Variants in VGLL4 observed in about 807,000 individuals in gnomAD.
The protein encoded by VGLL4 is vestigial like family member 4, also known as transcription cofactor vestigial-like protein 4.
Under a neutral mutation model 21.0 loss-of-function variants are expected in VGLL4, and 7 were observed. The ratio of observed to expected loss-of-function variants is 0.33; its 90% confidence interval spans 0.19 to 0.63. The LOEUF is 0.63. VGLL4 is among the 20% of genes least tolerant of loss of function. The probability of loss-of-function intolerance (pLI) is 0.78; values close to 1 mark genes in which losing one functional copy is unlikely to be tolerated. For synonymous variants in VGLL4, 222 were observed against 173.2 expected, an observed-to-expected ratio of 1.28 and a Z score of -2.21; for missense variants, 394 against 425.7, an observed-to-expected ratio of 0.93 and a Z score of 0.66.
At chr3:11,682,508 G>A (rs2076391361) in intron 2 of VGLL4, among the ~76,000 whole-genome samples, 1 of 151,932 alleles carries the variant, frequency 6.6e-6, no homozygotes, top group Non-Finnish European at 1.5e-5. Context: ...AGCCCAGGAG[G>A]TGGAAGCTGC....
At chr3:11,664,103 T>G (rs2076074710) in intron 2 of VGLL4, among the ~76,000 whole-genome samples, 1 of 152,140 alleles carries the variant, frequency 6.6e-6, no homozygotes, top group South Asian at 2.1e-4. Flanking sequence ...CCGGGCATGC[T>G]GGTGCACACC....
intron 2 of VGLL4, among the ~76,000 whole-genome samples, chr3:11,585,803 C>G (rs1448020782): frequency 6.6e-6 from 1 of 152,186 alleles, no homozygotes; most frequent in East Asian, 1.9e-4. Flanking sequence ...TCTCTTGCTT[C>G]CCTTGTCCTC....
At chr3:11,676,661 T>C (rs2076296727) in intron 2 of VGLL4, among the ~76,000 whole-genome samples, 1 of 151,892 alleles carries the variant, frequency 6.6e-6, no homozygotes, top group African/African-American at 2.4e-5. Context: ...GATATAAATA[T>C]AAAAGGTTTG....
chr3:11,592,625 T>C (rs1440869770), intron 2 of VGLL4, among the ~76,000 whole-genome samples: 1 of 152,204 alleles, frequency 6.6e-6, no homozygotes, highest in Non-Finnish European at 1.5e-5. Flanking sequence ...TAGGGTCCAG[T>C]ATCGAATGAT....
intron 2 of VGLL4, among the ~76,000 whole-genome samples, chr3:11,593,519 C>G (rs1337361436): frequency 6.6e-6 from 1 of 152,136 alleles, no homozygotes; most frequent in Non-Finnish European, 1.5e-5. Flanking sequence ...TTGTTTTTCC[C>G]TCTTTTTCTA....
At chr3:11,616,384 T>C (rs2075164140) in intron 1 of VGLL4, among the ~76,000 whole-genome samples, 1 of 152,200 alleles carries the variant, frequency 6.6e-6, no homozygotes, top group African/African-American at 2.4e-5. Flanking sequence ...GGTGGTACTA[T>C]TTACAAACAT....
rs1559869780 is a variant in VGLL4, at chr3:11,573,292, AAAGAAAGAAAGAAAGGAAGG to A, written c.273-8293_273-8274del. Among the ~76,000 whole-genome samples the A allele has an allele frequency of 1.4e-3, 15 of 11,026 alleles. 1 individual carries two copies. Among genetic ancestry groups the A allele is most frequent in the East Asian group, 4.8e-3 (2 of 420 alleles). 7.2% of individuals were successfully genotyped at this position (11,026 alleles called of 152,430 possible). ...GAAAGAAAGAAAGAAAGAAAGAAAG[AAAGAAAGAAAGAAAGGAAGG>A]AAGGAAGAAAGAAAGAAAGAAAGAA... On this transcript the variant is annotated intron_variant, in intron 2 of 4. Transcript: ENST00000430365.
upstream of VGLL4, chr3:11,644,060 G>C: frequency 4.3e-6 from 4 of 921,818 alleles, no homozygotes; most frequent in Non-Finnish European, 5.2e-6. Flanking sequence ...AGAAAGGGGA[G>C]GGGGAGAGAC....
At chr3:11,665,541 G>A (rs2076108663) in intron 2 of VGLL4, among the ~76,000 whole-genome samples, 2 of 152,236 alleles carry the variant, frequency 1.3e-5, no homozygotes, top group South Asian at 2.1e-4. Context: ...TGACTCCGGA[G>A]TGGCAGAAAG....
intron 1 of VGLL4, 27 bp from the exon 2 acceptor site, chr3:11,602,049 C>CT: frequency 6.7e-7 from 1 of 1,500,624 alleles, no homozygotes; most frequent in Non-Finnish European, 8.9e-7. Context: ...GATGTAGTCA[C>CT]TAAGCAGGAG....
chr3:11,678,860 A>G (rs1259795456), intron 2 of VGLL4, among the ~76,000 whole-genome samples: 1 of 152,204 alleles, frequency 6.6e-6, no homozygotes. Flanking sequence ...TCAATGACAG[A>G]TGGCATATGC....
At position 11,565,738 on chromosome 3, in the gene VGLL4, T is replaced by G. The variant is rs1004600119; in HGVS notation, c.273-719A>C. Among the ~76,000 whole-genome samples the G allele has an allele frequency of 2.7e-4, 41 of 152,198 alleles. 1 individual carries two copies. The highest frequency in any genetic ancestry group is 8.8e-5 in the Non-Finnish European group (6 of 68,044). On this transcript the variant is annotated intron_variant, in intron 2 of 4. Transcript: ENST00000430365. The surrounding 1 kb of genome is among the most constrained non-coding windows in gnomAD (Gnocchi z 4.1). ...GGCCATGTGCTGAGCACCCAGGCGATGCCACGTGGAATCCAGGTGAGACAG... is the reference window on the plus strand; with the variant it reads ...GGCCATGTGCTGAGCACCCAGGCGAGGCCACGTGGAATCCAGGTGAGACAG...
At chr3:11,581,048 T>C (rs1176206019) in intron 2 of VGLL4, among the ~76,000 whole-genome samples, 1 of 151,730 alleles carries the variant, frequency 6.6e-6, no homozygotes, top group Non-Finnish European at 1.5e-5. Context: ...ACAGATCCTC[T>C]TCAATCTGCA....
At chr3:11,624,993 G>C (rs1486144103) in intron 1 of VGLL4, among the ~76,000 whole-genome samples, 4 of 152,012 alleles carry the variant, frequency 2.6e-5, no homozygotes, top group African/African-American at 7.3e-5. Context: ...TGCTCTTTAG[G>C]GGATCTGCAG....
At chr3:11,673,895 C>G (rs2076251739) in intron 2 of VGLL4, among the ~76,000 whole-genome samples, 1 of 151,648 alleles carries the variant, frequency 6.6e-6, no homozygotes, top group African/African-American at 2.4e-5. Context: ...GCCTATAATC[C>G]CAGCAACTCA....
chr3:11,563,626 G>A (rs1388029416), intron 3 of VGLL4, among the ~76,000 whole-genome samples: 1 of 152,204 alleles, frequency 6.6e-6, no homozygotes, highest in African/African-American at 2.4e-5. Context: ...GAACAGCAGT[G>A]ATAACTTGGC....
At chr3:11,563,689 G>A (rs898898339) in intron 3 of VGLL4, among the ~76,000 whole-genome samples, 3 of 152,202 alleles carry the variant, frequency 2.0e-5, no homozygotes, top group African/African-American at 7.2e-5. Context: ...AAAACTGAGC[G>A]TGCTGAGAAC....
intron 2 of VGLL4, among the ~76,000 whole-genome samples, chr3:11,700,965 G>A (rs1374121645): frequency 6.6e-6 from 1 of 152,092 alleles, no homozygotes; most frequent in Admixed American, 6.5e-5. Context: ...AAGTAAGTGT[G>A]AATTATACAA....
chr3:11,663,538 C>T (rs1300075940), intron 2 of VGLL4, among the ~76,000 whole-genome samples: 4 of 152,008 alleles, frequency 2.6e-5, no homozygotes, highest in African/African-American at 9.7e-5. Flanking sequence ...GCCAACATGG[C>T]AAAACCTTGT....
Sources: allele counts gnomAD v4.1 joint callset (sites outside exome capture counted in the v4.1 genomes callset), GRCh38; gene constraint gnomAD v4.1.1; non-coding constraint Gnocchi (gnomAD v3.1); transcripts MANE v1.5; gene names NCBI Gene and HGNC (gene_info 2026-07-23, HGNC 2026-07-21).